SEMA3A: variants seen among roughly 807,000 people sequenced by gnomAD.
SEMA3A encodes the protein semaphorin 3A.
A neutral mutation model predicts 97.9 loss-of-function variants in SEMA3A; 29 were observed. That is an observed-to-expected ratio of 0.30 (90% CI 0.22 to 0.40). The LOEUF is 0.40. SEMA3A is among the 10% of genes least tolerant of loss of function. The pLI, the probability that SEMA3A is intolerant of heterozygous loss-of-function variation, is 1.00. For synonymous variants in SEMA3A, 321 were observed against 323.7 expected (o/e 0.99, Z 0.09); for missense variants, 763 against 951.3 (o/e 0.80, Z 2.60).
At chr7:83,994,901 A>G (rs371756256) in intron 12 of SEMA3A, among the ~76,000 whole-genome samples, 69 of 149,186 alleles carry the variant, frequency 4.6e-4, no homozygotes, top group East Asian at 1.8e-3. Context: ...AATGGCGGGC[A>G]CCCCTCCCCC....
chr7:84,254,808 GT>G (rs1248795062), intron 3 of SEMA3A, among the ~76,000 whole-genome samples: 2 of 152,030 alleles, frequency 1.3e-5, no homozygotes, highest in Non-Finnish European at 2.9e-5. Flanking sequence ...TCATGGATTG[GT>G]TTTGTCTATT....
At chr7:84,095,273 T>C (rs1794725865) in intron 4 of SEMA3A, among the ~76,000 whole-genome samples, 1 of 56,458 alleles carries the variant, frequency 1.8e-5, no homozygotes, top group Non-Finnish European at 6.1e-5. Flanking sequence ...ACCATTATTA[T>C]GTAGCATATA....
intron 15 of SEMA3A, among the ~76,000 whole-genome samples, chr7:83,975,537 A>G (rs973180964): frequency 1.3e-5 from 2 of 152,174 alleles, no homozygotes; most frequent in Non-Finnish European, 2.9e-5. Flanking sequence ...ACATGTATCT[A>G]GATTATAACT....
intron 1 of SEMA3A, among the ~76,000 whole-genome samples, chr7:84,431,688 T>C (rs994335921): frequency 6.6e-6 from 1 of 151,998 alleles, no homozygotes; most frequent in African/African-American, 2.4e-5. Context: ...CTAAGAATTA[T>C]TGAATAATAG....
intron 1 of SEMA3A, among the ~76,000 whole-genome samples, chr7:84,487,616 T>G (rs6977787): frequency 1.5e-3 from 225 of 152,240 alleles, no homozygotes; most frequent in African/African-American, 5.0e-3. Flanking sequence ...AAAGGATTTA[T>G]GAGGATAAGA....
intron 1 of SEMA3A, among the ~76,000 whole-genome samples, chr7:84,489,597 G>T (rs1168446712): frequency 6.6e-6 from 1 of 152,110 alleles, no homozygotes; most frequent in East Asian, 1.9e-4. Context: ...TTGAATAATG[G>T]AATAATGGGA....
chr7:84,437,394 T>G (rs989951434), intron 1 of SEMA3A, among the ~76,000 whole-genome samples: 1 of 151,890 alleles, frequency 6.6e-6, no homozygotes, highest in African/African-American at 2.4e-5. Context: ...TAGTCCGACA[T>G]GAACATCAAT....
chr7:84,080,882 A>G (rs1794126894), intron 4 of SEMA3A, among the ~76,000 whole-genome samples: 2 of 151,540 alleles, frequency 1.3e-5, no homozygotes, highest in African/African-American at 4.8e-5. Context: ...GCAGCTTATA[A>G]TTCTTTAAAA....
chr7:84,098,348 A>G (rs1252948809), intron 4 of SEMA3A, among the ~76,000 whole-genome samples: 3 of 152,036 alleles, frequency 2.0e-5, no homozygotes, highest in South Asian at 2.1e-4. Flanking sequence ...GGTAAAAAAT[A>G]TAGTTATATT....
At chr7:83,976,984 A>AT (rs1175816816) in intron 15 of SEMA3A, 148 bp downstream of exon 15, 2 of 421,812 alleles carry the variant, frequency 4.7e-6, no homozygotes, top group Non-Finnish European at 8.4e-6. Context: ...GTTCTTTAGG[A>AT]TTTTCTTTCT....
intron 3 of SEMA3A, among the ~76,000 whole-genome samples, chr7:84,127,166 G>A (rs1290097548): frequency 1.3e-5 from 2 of 151,964 alleles, no homozygotes; most frequent in African/African-American, 2.4e-5. Context: ...CTGACTTTCC[G>A]ATTTCCATGT....
chr7:84,244,775 G>A (rs755116675), intron 3 of SEMA3A, among the ~76,000 whole-genome samples: 6 of 152,082 alleles, frequency 3.9e-5, no homozygotes, highest in African/African-American at 7.2e-5. Context: ...TTGTAAGACA[G>A]GCCTGATGGT....
chr7:84,190,920 G>A (rs1461704050), intron 1 of SEMA3A, among the ~76,000 whole-genome samples: 2 of 147,022 alleles, frequency 1.4e-5, no homozygotes, highest in Non-Finnish European at 3.0e-5. Flanking sequence ...TGAAATATAT[G>A]GTATATGTAT....
intron 3 of SEMA3A, among the ~76,000 whole-genome samples, chr7:84,206,954 A>G (rs992048415): frequency 5.3e-5 from 8 of 152,178 alleles, no homozygotes; most frequent in Non-Finnish European, 1.2e-4. Flanking sequence ...CCACCTTTAA[A>G]TATTCAATTA....
intron 4 of SEMA3A, among the ~76,000 whole-genome samples, chr7:84,075,246 T>A (rs1793898790): frequency 6.6e-6 from 1 of 150,756 alleles, no homozygotes; most frequent in South Asian, 2.1e-4. Flanking sequence ...TGATCTCGGC[T>A]CACTGTAACC....
chr7:84,357,170 T>C (rs192622895), intron 2 of SEMA3A, among the ~76,000 whole-genome samples: 4 of 151,858 alleles, frequency 2.6e-5, no homozygotes, highest in African/African-American at 9.7e-5. Flanking sequence ...AGGGTACATG[T>C]GCACAACATG....
chr7:84,022,021 T>A (rs1209301394), intron 6 of SEMA3A, among the ~76,000 whole-genome samples: 7 of 152,200 alleles, frequency 4.6e-5, no homozygotes, highest in Admixed American at 4.6e-4. Context: ...GCTGTTCTTT[T>A]CTTTGCATTA....
chr7:84,048,249 T>A (rs1414307667), intron 5 of SEMA3A, among the ~76,000 whole-genome samples: 5 of 151,988 alleles, frequency 3.3e-5, no homozygotes, highest in African/African-American at 9.7e-5. Context: ...CAAGTGTAAA[T>A]CTGAATTGCT....
intron 3 of SEMA3A, among the ~76,000 whole-genome samples, chr7:84,259,073 T>A (rs1377170010): frequency 6.6e-6 from 1 of 152,176 alleles, no homozygotes; most frequent in African/African-American, 2.4e-5. Context: ...ACAACCTCAA[T>A]GTTGAGATAC....
Sources: allele counts gnomAD v4.1 joint callset (sites outside exome capture counted in the v4.1 genomes callset), GRCh38; gene constraint gnomAD v4.1.1; transcripts MANE v1.5; gene names NCBI Gene and HGNC (gene_info 2026-07-23, HGNC 2026-07-21).